The following PSMD1 variants were observed in gnomAD, a reference collection of about 807,000 sequenced individuals.
PSMD1 encodes 26S proteasome non-ATPase regulatory subunit 1.
Under a neutral mutation model 119.0 loss-of-function variants are expected in PSMD1, and 18 were observed. That is an observed-to-expected ratio of 0.15 (90% CI 0.10 to 0.22). PSMD1 has a LOEUF of 0.22. PSMD1 is among the 10% of genes least tolerant of loss of function. The pLI is 1.00. For missense variants in PSMD1, 702 were observed against 1,158.5 expected (o/e 0.61, Z 5.72); for synonymous variants, 374 against 396.6 (o/e 0.94, Z 0.68).
chr2:231,131,109 G>A (rs1695843199), intron 16 of PSMD1, among the ~76,000 whole-genome samples: 1 of 151,974 alleles, frequency 6.6e-6, no homozygotes, highest in African/African-American at 2.4e-5. Flanking sequence ...TCTCTGTTTT[G>A]TTTCCCATGG....
At chr2:231,057,120 T>C in intron 1 of PSMD1, 79 bp downstream of exon 1, 1 of 1,411,842 alleles carries the variant, frequency 7.1e-7, no homozygotes, top group Non-Finnish European at 9.2e-7. Flanking sequence ...GGCCGGTGAC[T>C]GGGCGCCTCC....
chr2:231,131,217 A>C (rs940278223), intron 16 of PSMD1, among the ~76,000 whole-genome samples: 3 of 152,186 alleles, frequency 2.0e-5, no homozygotes, highest in African/African-American at 7.2e-5. Flanking sequence ...AAGCTTGATC[A>C]CATTCACATT....
At chr2:231,107,780 C>G (rs544838504) in intron 16 of PSMD1, among the ~76,000 whole-genome samples, 1 of 152,180 alleles carries the variant, frequency 6.6e-6, no homozygotes, top group Non-Finnish European at 1.5e-5. Context: ...TGCTTGTGCA[C>G]GTTAATTAAT....
intron 16 of PSMD1, among the ~76,000 whole-genome samples, chr2:231,090,316 C>G (rs1694559355): frequency 6.6e-6 from 1 of 152,142 alleles, no homozygotes; most frequent in Admixed American, 6.5e-5. Flanking sequence ...GCCAACGCGG[C>G]AGATCACCCA....
At chr2:231,075,381 A>C in intron 7 of PSMD1, 130 bp from the exon 8 acceptor site, 1 of 722,264 alleles carries the variant, frequency 1.4e-6, no homozygotes, top group Non-Finnish European at 2.2e-6. Context: ...AGAATTTTTT[A>C]TTTCTTAATG....
chr2:231,165,996 T>C lies in PSMD1; in HGVS notation c.2694T>C (p.Cys898=). The C allele has an allele frequency of 6.2e-7, 1 of 1,613,560 alleles. No homozygotes were observed. The highest frequency in any genetic ancestry group is 8.5e-7 in the Non-Finnish European group (1 of 1,179,744). Residue 898 remains cysteine, a synonymous_variant, in exon 23 of 25, where the codon TGT becomes TGC. Coordinates refer to ENST00000308696, the MANE Select transcript of PSMD1 (RefSeq NM_002807.4). ...AGGTCCTAACCATGCCGGAGACCTG[T>C]AGATACCAGCCTTTCAAACCAGTAA... The part of the protein sequence containing the change: ...QLKVLTMPET[C]RYQPFKPLSI...
At chr2:231,165,759 A>G in intron 22 of PSMD1, 112 bp from the exon 23 acceptor site, 2 of 911,338 alleles carry the variant, frequency 2.2e-6, no homozygotes, top group Non-Finnish European at 1.6e-6. Context: ...TTCCATTACT[A>G]CCGACCACTA....
intron 16 of PSMD1, among the ~76,000 whole-genome samples, chr2:231,107,905 A>G (rs1695014767): frequency 6.6e-6 from 1 of 152,238 alleles, no homozygotes; most frequent in South Asian, 2.1e-4. Flanking sequence ...GTCATTTAAC[A>G]AACAGGTCTA....
In PSMD1 at chr2:231,155,965, T is replaced by G. The variant is rs182371058; in HGVS notation, c.2218+2299T>G. 2.2e-3 allele frequency among the ~76,000 whole-genome samples: 329 copies of G among 152,230 alleles called. 1 individual carries two copies. The highest frequency in any genetic ancestry group is 4.3e-3 in the South Asian group (21 of 4,828). ...GTTTCCATAGTTTCTCCCTTCTCAC[T>G]CTTCACTACCTTCCAATATTTTTAT... is the stretch of plus-strand genomic sequence containing the variant. On this transcript the variant is annotated intron_variant, in intron 19 of 24. Coordinates refer to ENST00000308696, the MANE Select transcript of PSMD1 (RefSeq NM_002807.4).
intron 16 of PSMD1, chr2:231,123,346 G>C (rs1695610732): frequency 5.5e-6 from 6 of 1,098,860 alleles, no homozygotes; most frequent in Admixed American, 5.1e-5. Flanking sequence ...GATTAAATGA[G>C]TGTCCATTCT....
chr2:231,146,508 G>A, intron 18 of PSMD1, 152 bp downstream of exon 18: 2 of 572,154 alleles, frequency 3.5e-6, no homozygotes, highest in Non-Finnish European at 6.2e-6. Flanking sequence ...AAGAGAATGG[G>A]GAAACTTTAA....
At chr2:231,103,839 T>C (rs1449638650) in intron 16 of PSMD1, among the ~76,000 whole-genome samples, 5 of 152,182 alleles carry the variant, frequency 3.3e-5, no homozygotes, top group Non-Finnish European at 5.9e-5. Context: ...TTACTTCTAT[T>C]TCCTTCCTGT....
chr2:231,109,117 T>G (rs762703400), intron 16 of PSMD1: 24 of 1,614,038 alleles, frequency 1.5e-5, no homozygotes, highest in Admixed American at 3.3e-5. Context: ...CATCCAGCAT[T>G]GCCACCTTTT....
intron 16 of PSMD1, among the ~76,000 whole-genome samples, chr2:231,090,143 T>A (rs13427126): frequency 8.8e-4 from 134 of 152,362 alleles, no homozygotes; most frequent in Middle Eastern, 6.8e-3. Context: ...ACAAGGAGAT[T>A]AATGTTATTT....
intron 12 of PSMD1, among the ~76,000 whole-genome samples, chr2:231,082,431 C>T (rs946298635): frequency 1.7e-4 from 26 of 152,306 alleles, no homozygotes; most frequent in Admixed American, 8.5e-4. Context: ...GGGCTGGACA[C>T]GGTGGCTCAC....
chr2:231,084,979 T>G (rs1574717020), intron 14 of PSMD1, 40 bp from the exon 15 acceptor site: 1 of 1,525,552 alleles, frequency 6.6e-7, no homozygotes, highest in East Asian at 2.3e-5. Context: ...GTTAACTGTT[T>G]GAAATAAGTT....
chr2:231,157,369 A>G (rs1429914530), intron 19 of PSMD1, among the ~76,000 whole-genome samples: 1 of 150,488 alleles, frequency 6.6e-6, no homozygotes, highest in Non-Finnish European at 1.5e-5. Context: ...CAGATTTACT[A>G]CAAGTCATCT....
rs555538195 is a variant in PSMD1 at position 231,082,167 on chromosome 2, G to A, written c.1414-716G>A. 5.3e-5 allele frequency among the ~76,000 whole-genome samples: 8 copies of A among 152,228 alleles called. No homozygotes were observed. The East Asian group carries it at 7.7e-4, about 15-fold the overall frequency. On this transcript the variant is annotated intron_variant, in intron 12 of 24. Transcript: ENST00000308696. ...AGCTTCAGCTTCCTGGGCTCAGGCCGTTCTCCCACCTCAGCCTCCCGAGTA... is the reference window on the plus strand; with the variant it reads ...AGCTTCAGCTTCCTGGGCTCAGGCCATTCTCCCACCTCAGCCTCCCGAGTA...
Position 231,087,194 on chromosome 2 carries a change from A to G in PSMD1, c.1883+13A>G, listed in dbSNP as rs750873261. The G allele has an allele frequency of 1.9e-6, 3 of 1,606,848 alleles. No individual in the cohort carries two copies. Among genetic ancestry groups the G allele is most frequent in the Non-Finnish European group, 2.6e-6 (3 of 1,173,966 alleles). ...TCATTCTATTCAGGTAATAACTTCA[A>G]ACTTCTTATTCTATTTATATTTCAT... On this transcript the variant is annotated intron_variant, in intron 16 of 24. Transcript: ENST00000308696.
Sources: allele counts gnomAD v4.1 joint callset (sites outside exome capture counted in the v4.1 genomes callset), GRCh38; gene constraint gnomAD v4.1.1; transcripts MANE v1.5; gene names NCBI Gene and HGNC (gene_info 2026-07-23, HGNC 2026-07-21).